The following ASTN2 variants were observed in gnomAD, a reference collection of about 807,000 sequenced individuals.
ASTN2 encodes the protein astrotactin-2.
In ASTN2, 54 loss-of-function variants were observed where a neutral mutation model predicts 139.8. The ratio of observed to expected loss-of-function variants is 0.39; its 90% CI spans 0.31 to 0.48. The LOEUF (loss-of-function observed/expected upper bound fraction) is 0.48, where lower values mean the gene tolerates loss of function less well. ASTN2 is among the 20% of genes least tolerant of loss of function. ASTN2 has a pLI of 0.95. For synonymous variants in ASTN2, 756 were observed against 719.5 expected (o/e 1.05, Z -0.81); for missense variants, 1,565 against 1,725.1 (o/e 0.91, Z 1.64).
chr9:117,145,343 G>C (rs559347505), intron 3 of ASTN2, among the ~76,000 whole-genome samples: 8 of 152,276 alleles, frequency 5.3e-5, no homozygotes, highest in African/African-American at 1.9e-4. Context: ...CTCATTCCTA[G>C]CTTGTGCTGG....
intron 10 of ASTN2, among the ~76,000 whole-genome samples, chr9:116,939,727 T>C (rs905511331): frequency 1.3e-5 from 2 of 152,138 alleles, no homozygotes; most frequent in Non-Finnish European, 2.9e-5. Flanking sequence ...ACAATACCAA[T>C]GTGGTCTCAT....
At chr9:116,442,183 C>T (rs1407903499) in intron 21 of ASTN2, among the ~76,000 whole-genome samples, 1 of 152,138 alleles carries the variant, frequency 6.6e-6, no homozygotes, top group Non-Finnish European at 1.5e-5. Context: ...CCATTTGTGG[C>T]CTGTAAGTCA....
intron 19 of ASTN2, among the ~76,000 whole-genome samples, chr9:116,500,187 G>A (rs988237623): frequency 6.6e-6 from 1 of 152,096 alleles, no homozygotes; most frequent in African/African-American, 2.4e-5. Flanking sequence ...GTGCAGTGAG[G>A]ATTGCTCTTC....
chr9:116,636,182 T>C (rs933575640), intron 17 of ASTN2, among the ~76,000 whole-genome samples: 1 of 152,162 alleles, frequency 6.6e-6, no homozygotes, highest in Non-Finnish European at 1.5e-5. Flanking sequence ...TGAGCGTCAG[T>C]CTCCTTTAGC....
intron 11 of ASTN2, among the ~76,000 whole-genome samples, chr9:116,838,352 C>T (rs577433790): frequency 4.8e-4 from 73 of 151,930 alleles, no homozygotes; most frequent in African/African-American, 1.7e-3. Flanking sequence ...TCAGGTGATC[C>T]GCCCGCCTCA....
intron 22 of ASTN2, among the ~76,000 whole-genome samples, chr9:116,429,339 G>GAAA (rs34731241): frequency 0.18 from 16,115 of 90,470 alleles, 1,930 homozygotes; most frequent in African/African-American, 0.2. Flanking sequence ...AACTCTATCT[G>GAAA]AAAAAAAAAA....
At chr9:117,133,860 C>T (rs2132842735) in intron 4 of ASTN2, among the ~76,000 whole-genome samples, 1 of 152,036 alleles carries the variant, frequency 6.6e-6, no homozygotes, top group South Asian at 2.1e-4. Flanking sequence ...GTTCAAGCTG[C>T]AAAAAGCGCA....
In ASTN2 at chr9:116,425,672, T is replaced by A. The variant is rs1451277144; in HGVS notation, c.*179A>T. ...GAGAAAAATGAATAATTCCATTGGT[T>A]ACAAAGGTCTCTGTCCACTATCCAC... On this transcript the variant is annotated 3_prime_UTR_variant, in exon 23 of 23. Coordinates refer to ENST00000313400, the MANE Select transcript of ASTN2 (RefSeq NM_001365068.1). 1 of 1,609,244 alleles carries A rather than the reference T, an allele frequency of 6.2e-7. No individual in the cohort carries two copies. Among genetic ancestry groups the A allele is most frequent in the Non-Finnish European group, 8.5e-7 (1 of 1,178,256 alleles).
At chr9:117,125,345 C>G (rs1829660092) in intron 4 of ASTN2, among the ~76,000 whole-genome samples, 1 of 152,124 alleles carries the variant, frequency 6.6e-6, no homozygotes, top group Admixed American at 6.5e-5. Context: ...TCCAGGGCAC[C>G]TCAATTCTGA....
At chr9:117,173,385 C>T (rs190288048) in intron 3 of ASTN2, among the ~76,000 whole-genome samples, 27 of 152,146 alleles carry the variant, frequency 1.8e-4, no homozygotes, top group African/African-American at 5.8e-4. Flanking sequence ...ATAAAAGTAA[C>T]AGGTAGTATC....
chr9:116,551,563 T>A (rs565085030), intron 19 of ASTN2, among the ~76,000 whole-genome samples: 7 of 152,310 alleles, frequency 4.6e-5, no homozygotes, highest in African/African-American at 1.7e-4. Flanking sequence ...GAATTGCTTC[T>A]CCTCCAATCT....
chr9:117,302,760 A>T (rs1191469471), intron 1 of ASTN2, among the ~76,000 whole-genome samples: 3 of 152,228 alleles, frequency 2.0e-5, no homozygotes, highest in Non-Finnish European at 2.9e-5. Context: ...GTGACCAAAC[A>T]GAGCCTAGAA....
At chr9:116,835,612 A>T (rs541306647) in intron 11 of ASTN2, among the ~76,000 whole-genome samples, 6 of 152,076 alleles carry the variant, frequency 3.9e-5, no homozygotes, top group Non-Finnish European at 7.3e-5. Flanking sequence ...TGGAACCAAC[A>T]ACCCGCTGCC....
intron 6 of ASTN2, among the ~76,000 whole-genome samples, chr9:117,021,147 ATCC>A (rs1837867526): frequency 6.6e-6 from 1 of 152,070 alleles, no homozygotes; most frequent in Non-Finnish European, 1.5e-5. Context: ...AACTCAAGCA[ATCC>A]TCCTGTCTTG....
At chr9:117,105,849 C>T (rs1023528271) in intron 4 of ASTN2, among the ~76,000 whole-genome samples, 3 of 152,150 alleles carry the variant, frequency 2.0e-5, no homozygotes, top group Admixed American at 1.3e-4. Context: ...CTTTTACTCT[C>T]TTCCCAAACA....
intron 13 of ASTN2, among the ~76,000 whole-genome samples, chr9:116,801,928 C>G (rs1830870246): frequency 1.3e-5 from 2 of 152,074 alleles, no homozygotes; most frequent in Admixed American, 1.3e-4. Context: ...CACTTAGGCT[C>G]TGGCTGTTCA....
intron 19 of ASTN2, among the ~76,000 whole-genome samples, chr9:116,595,684 T>C (rs1478620183): frequency 6.6e-6 from 1 of 152,010 alleles, no homozygotes; most frequent in African/African-American, 2.4e-5. Context: ...GCTTGTGGTG[T>C]GACTGTCTTG....
At chr9:116,534,338 T>G (rs1304581883) in intron 19 of ASTN2, among the ~76,000 whole-genome samples, 3 of 152,074 alleles carry the variant, frequency 2.0e-5, no homozygotes, top group Admixed American at 6.5e-5. Context: ...ATTTTTCGAA[T>G]GGTTTTTTGT....
intron 16 of ASTN2, among the ~76,000 whole-genome samples, chr9:116,722,696 A>G (rs1176855598): frequency 6.6e-6 from 1 of 152,196 alleles, no homozygotes; most frequent in Admixed American, 6.5e-5. Flanking sequence ...CAGGAAGGCC[A>G]TCTGGAAACT....
Sources: gnomAD v4.1 joint callset for allele counts (sites outside exome capture counted in the v4.1 genomes callset) on GRCh38, gnomAD v4.1.1 for gene constraint, MANE v1.5 for transcripts, NCBI Gene and HGNC (gene_info 2026-07-23, HGNC 2026-07-21) for gene names.